Variants in RWDD1 observed in about 807,000 individuals in gnomAD.
The protein encoded by RWDD1 is RWD domain-containing protein 1.
Under a neutral mutation model 31.6 loss-of-function variants are expected in RWDD1, and 17 were observed. That is an observed-to-expected ratio of 0.54 (90% confidence interval 0.37 to 0.81). The LOEUF is 0.81. Among genes scored for constraint, RWDD1 ranks in the 30% least tolerant of loss-of-function variants. The probability of loss-of-function intolerance (pLI) is 0.00; values close to 1 mark genes in which losing one functional copy is unlikely to be tolerated. For missense variants in RWDD1, 204 were observed against 274.5 expected, an observed-to-expected ratio of 0.74 and a Z score of 1.82; for synonymous variants, 78 against 94.2, an observed-to-expected ratio of 0.83 and a Z score of 0.99.
intron 3 of RWDD1, among the ~76,000 whole-genome samples, chr6:116,587,018 C>G (rs1339916717): frequency 6.6e-6 from 1 of 152,104 alleles, no homozygotes; most frequent in East Asian, 1.9e-4. Flanking sequence ...TCCGAGTTAT[C>G]CAGTTTCCAT....
chr6:116,590,919 T>C lies in RWDD1; in HGVS notation c.579T>C (p.Leu193=). ...AACTATTTGAAACAGATCATAATCT[T>C]GACACATCTGATATCCAGTTCTTGG... ...GKQLFETDHN[L]DTSDIQFLED... Residue 193 remains leucine, a synonymous_variant, in exon 6 of 7, where the codon CTT becomes CTC. Transcript: ENST00000466444. 6.4e-7 allele frequency: 1 copy of C among 1,574,150 alleles called. No individual in the cohort carries two copies. The highest frequency in any genetic ancestry group is 8.6e-7 in the Non-Finnish European group (1 of 1,167,384).
At chr6:116,590,151 C>G in intron 4 of RWDD1, 121 bp from the exon 5 acceptor site, 1 of 534,092 alleles carries the variant, frequency 1.9e-6, no homozygotes, top group Non-Finnish European at 3.2e-6. Flanking sequence ...TTCAAAAATT[C>G]AAACATTAAT....
In RWDD1 at chr6:116,571,575, G is replaced by C; in HGVS notation, c.-8G>C. 6.2e-7 allele frequency: 1 copy of C among 1,612,966 alleles called. No individual in the cohort carries two copies. The highest frequency in any genetic ancestry group is 1.1e-5 in the South Asian group (1 of 91,006). On this transcript the variant is annotated 5_prime_UTR_variant, in exon 1 of 7. Transcript: ENST00000466444. ...CTGGGCGATCTATGGGCAAGAGCAA[G>C]GGCCACGATGACAGATTACGGCGAG...
intron 1 of RWDD1, among the ~76,000 whole-genome samples, chr6:116,573,669 C>T (rs1248053487): frequency 1.3e-5 from 2 of 152,050 alleles, no homozygotes; most frequent in Admixed American, 6.6e-5. Flanking sequence ...TGATTCCATA[C>T]TTTTGTATTC....
In RWDD1 at chr6:116,594,763, C is replaced by A. The variant is rs967220250; in HGVS notation, c.*1662C>A. The A allele has an allele frequency of 1.3e-5, 2 of 152,100 alleles. No individual in the cohort carries two copies. The highest frequency in any genetic ancestry group is 2.9e-5 in the Non-Finnish European group (2 of 68,018). 9.4% of individuals were successfully genotyped at this position (152,100 alleles called of 1,614,324 possible). On this transcript the variant is annotated 3_prime_UTR_variant, in exon 7 of 7. Transcript: ENST00000466444. ...CAGTTTTGGAGGACTGACTCTTAAC[C>A]CCAATAGGAAATCAGTTGTGCTATT...
chr6:116,584,941 TATTGTGTAAACAGAAC>T (rs1775013222), intron 3 of RWDD1, 84 bp downstream of exon 3: 1 of 1,123,430 alleles, frequency 8.9e-7, no homozygotes. Context: ...TAGAAAATGC[TATTGTGTAAACAGAAC>T]ATTGACCAAG....
intron 1 of RWDD1, among the ~76,000 whole-genome samples, chr6:116,578,459 T>C (rs1774889994): frequency 6.6e-6 from 1 of 152,184 alleles, no homozygotes; most frequent in African/African-American, 2.4e-5. Flanking sequence ...ATGTTACCTG[T>C]TGTAATTGAG....
intron 5 of RWDD1, 42 bp downstream of exon 5, chr6:116,590,446 G>A (rs757294451): frequency 5.3e-5 from 80 of 1,509,888 alleles, no homozygotes; most frequent in Admixed American, 3.5e-4. Context: ...AAACCCTCCT[G>A]TATCATTTTT....
At chr6:116,572,086 AG>A (rs1214532815) in intron 1 of RWDD1, among the ~76,000 whole-genome samples, 1 of 152,070 alleles carries the variant, frequency 6.6e-6, no homozygotes, top group African/African-American at 2.4e-5. Flanking sequence ...TATAGGATTC[AG>A]AGTGCTGTTT....
intron 1 of RWDD1, 102 bp from the exon 2 acceptor site, chr6:116,580,193 C>A: frequency 3.1e-6 from 2 of 642,346 alleles, no homozygotes; most frequent in South Asian, 2.3e-5. Context: ...GAAATATAGC[C>A]TAGGGACCAG....
intron 1 of RWDD1, among the ~76,000 whole-genome samples, chr6:116,574,367 T>C (rs1018107625): frequency 1.3e-5 from 2 of 152,352 alleles, no homozygotes; most frequent in South Asian, 4.1e-4. Context: ...TTGACAGTTA[T>C]AATTGTATCT....
intron 4 of RWDD1, among the ~76,000 whole-genome samples, chr6:116,589,668 A>T (rs1454893965): frequency 2.0e-5 from 3 of 152,204 alleles, no homozygotes; most frequent in African/African-American, 7.2e-5. Flanking sequence ...AAAACTGGGA[A>T]CAAAAAGGGG....
At chr6:116,592,191 C>T (rs996735023) in intron 6 of RWDD1, among the ~76,000 whole-genome samples, 15 of 138,842 alleles carry the variant, frequency 1.1e-4, no homozygotes, top group Non-Finnish European at 1.6e-4. Context: ...CCCTCATCTA[C>T]GTTACTTTCA....
intron 1 of RWDD1, among the ~76,000 whole-genome samples, chr6:116,573,224 A>G (rs972549351): frequency 6.6e-5 from 10 of 152,352 alleles, no homozygotes; most frequent in Admixed American, 6.5e-4. Context: ...AAGCATTTAT[A>G]AAACTGATAT....
chr6:116,571,542 C>T lies in RWDD1; in HGVS notation c.-41C>T, dbSNP rs749444323. ...AGCTGTCTGGGCTGCTGCGCGCCGCCTAGGTGTCTGGGCGATCTATGGGCA... is the reference window on the plus strand; with the variant it reads ...AGCTGTCTGGGCTGCTGCGCGCCGCTTAGGTGTCTGGGCGATCTATGGGCA... On this transcript the variant is annotated 5_prime_UTR_variant, in exon 1 of 7. Coordinates refer to ENST00000466444, the MANE Select transcript of RWDD1 (RefSeq NM_015952.4). The T allele has an allele frequency of 6.9e-6, 11 of 1,601,796 alleles. No homozygotes were observed. In the East Asian group the frequency reaches 9.1e-5, roughly 13 times the overall value.
intron 3 of RWDD1, among the ~76,000 whole-genome samples, chr6:116,586,614 A>C (rs2115332867): frequency 6.6e-6 from 1 of 152,284 alleles, no homozygotes; most frequent in South Asian, 2.1e-4. Context: ...TTAGTATATA[A>C]TTCTTTCAAC....
In RWDD1 at chr6:116,595,839, G is replaced by A. The variant is rs1354796318; in HGVS notation, c.*2738G>A. The A allele has an allele frequency of 6.6e-6, 1 of 152,176 alleles. No individual in the cohort carries two copies. Among genetic ancestry groups the A allele is most frequent in the Non-Finnish European group, 1.5e-5 (1 of 68,022 alleles). 9.4% of individuals were successfully genotyped at this position (152,176 alleles called of 1,614,324 possible). On this transcript the variant is annotated 3_prime_UTR_variant, in exon 7 of 7. Coordinates refer to ENST00000466444, the MANE Select transcript of RWDD1 (RefSeq NM_015952.4). ...TTCATGCACTTTTGCCAGCAGAGGT[G>A]GATGCCTTAGGGAAAAAGTTGGATA...
chr6:116,586,714 T>C (rs1775046065), intron 3 of RWDD1, among the ~76,000 whole-genome samples: 1 of 152,206 alleles, frequency 6.6e-6, no homozygotes, highest in Non-Finnish European at 1.5e-5. Flanking sequence ...CAAATGTTTG[T>C]TGAATAAATG....
In RWDD1 at chr6:116,595,123, G is replaced by C. The variant is rs1273355046; in HGVS notation, c.*2022G>C. On this transcript the variant is annotated 3_prime_UTR_variant, in exon 7 of 7. Coordinates refer to ENST00000466444, the MANE Select transcript of RWDD1 (RefSeq NM_015952.4). Reference sequence around the variant, plus strand: ...GATACATAAGAACCTGGAAGAAGCTGCTCAATTAAGGTTAAAAAAAATAAA... The same window carrying C: ...GATACATAAGAACCTGGAAGAAGCTCCTCAATTAAGGTTAAAAAAAATAAA... 1 of 152,154 alleles carries C rather than the reference G, an allele frequency of 6.6e-6. No homozygotes were observed. The highest frequency in any genetic ancestry group is 1.9e-4 in the East Asian group (1 of 5,188). 9.4% of individuals were successfully genotyped at this position (152,154 alleles called of 1,614,324 possible).
Sources: allele counts gnomAD v4.1 joint callset (sites outside exome capture counted in the v4.1 genomes callset), GRCh38; gene constraint gnomAD v4.1.1; transcripts MANE v1.5; gene names NCBI Gene and HGNC (gene_info 2026-07-23, HGNC 2026-07-21).